MPHOSPH9: variants seen among roughly 807,000 people sequenced by gnomAD.
MPHOSPH9 encodes M-phase phosphoprotein 9.
MPHOSPH9 carries 88 observed loss-of-function variants against 145.5 expected under a neutral mutation model. The ratio of observed to expected loss-of-function variants is 0.60; its 90% CI spans 0.51 to 0.72. The LOEUF is 0.72. MPHOSPH9 is among the 30% of genes least tolerant of loss of function. The probability of loss-of-function intolerance (pLI) is 0.00; values close to 1 mark genes in which losing one functional copy is unlikely to be tolerated. For missense variants in MPHOSPH9, 1,238 were observed against 1,386.6 expected, an observed-to-expected ratio of 0.89 and a Z score of 1.70; for synonymous variants, 435 against 486.2, an observed-to-expected ratio of 0.89 and a Z score of 1.39.
intron 5 of MPHOSPH9, among the ~76,000 whole-genome samples, chr12:123,220,890 C>G (rs978859524): frequency 1.3e-5 from 2 of 152,032 alleles, no homozygotes; most frequent in African/African-American, 4.8e-5. Context: ...CCCGTCTCTA[C>G]TAAAAATACA....
chr12:123,166,851 C>T lies in MPHOSPH9; in HGVS notation c.2457-62G>A, dbSNP rs569285756. The T allele has an allele frequency of 6.2e-3, 9,515 of 1,526,292 alleles. 48 individuals are homozygous for T. Among genetic ancestry groups the T allele is most frequent in the Non-Finnish European group, 7.8e-3 (8,859 of 1,130,904 alleles). 94.5% of individuals were successfully genotyped at this position (1,526,292 alleles called of 1,614,324 possible). ...TGCACTTCATTTCAGACTGCATGTG[C>T]ATATAAAACAATCTGCTCTCAAACA... On this transcript the variant is annotated intron_variant, in intron 16 of 23. Coordinates refer to ENST00000606320, the MANE Select transcript of MPHOSPH9 (RefSeq NM_022782.4).
intron 1 of MPHOSPH9, among the ~76,000 whole-genome samples, chr12:123,232,516 T>C (rs1249287546): frequency 6.6e-6 from 1 of 152,182 alleles, no homozygotes; most frequent in Non-Finnish European, 1.5e-5. Context: ...TTGATGGTTA[T>C]GAAACATGAA....
chr12:123,197,533 C>T (rs937030288), intron 12 of MPHOSPH9, among the ~76,000 whole-genome samples: 2 of 152,000 alleles, frequency 1.3e-5, no homozygotes, highest in African/African-American at 2.4e-5. Context: ...CCTGTAATCC[C>T]GGCACTCTGG....
At chr12:123,224,433 C>T (rs888273845) in intron 3 of MPHOSPH9, among the ~76,000 whole-genome samples, 1 of 151,734 alleles carries the variant, frequency 6.6e-6, no homozygotes, top group Non-Finnish European at 1.5e-5. Flanking sequence ...TGCACCCAGC[C>T]GAATTTTCAT....
At chr12:123,167,631 C>CAGT (rs1251128644) in intron 16 of MPHOSPH9, among the ~76,000 whole-genome samples, 4 of 152,146 alleles carry the variant, frequency 2.6e-5, no homozygotes, top group African/African-American at 9.7e-5. Context: ...CCACAGCATG[C>CAGT]GTACTCCAGC....
chr12:123,241,408 G>A (rs1240964060), intron 1 of MPHOSPH9, among the ~76,000 whole-genome samples: 1 of 152,114 alleles, frequency 6.6e-6, no homozygotes, highest in Admixed American at 6.6e-5. Context: ...CGTGATCTCG[G>A]CTCACTACAA....
At position 123,230,420 on chromosome 12, in the gene MPHOSPH9, T is replaced by A; in HGVS notation, c.-56A>T. ...GGAAAATAAAGGTTCTTGGGCTGTTTGAGAAAAATGAATCCGTGTCATCTT... is the reference window on the plus strand; with the variant it reads ...GGAAAATAAAGGTTCTTGGGCTGTTAGAGAAAAATGAATCCGTGTCATCTT... On this transcript the variant is annotated 5_prime_UTR_variant, in exon 2 of 24. Transcript: ENST00000606320. 2.9e-6 allele frequency: 3 copies of A among 1,040,214 alleles called. No homozygotes were observed. The South Asian group carries it at 4.8e-5, about 17-fold the overall frequency. The allele number at this position is 1,040,214 out of a possible 1,614,324, so 64.4% of individuals were successfully genotyped here.
rs1238789024 is a variant in MPHOSPH9 at position 123,161,125 on chromosome 12, T to G, written c.3381+11A>C. On this transcript the variant is annotated intron_variant, in intron 22 of 23. Transcript: ENST00000606320. ...AGAAAACAATTTTTAAAAATATTTG[T>G]TTGTTTTTACCTGGTCCTTTTCTTT... is the stretch of plus-strand genomic sequence containing the variant. 1.2e-6 allele frequency: 2 copies of G among 1,610,836 alleles called. No homozygotes were observed. The highest frequency in any genetic ancestry group is 2.2e-5 in the South Asian group (2 of 90,506).
At chr12:123,167,927 C>T (rs2044385325) in intron 16 of MPHOSPH9, among the ~76,000 whole-genome samples, 1 of 152,220 alleles carries the variant, frequency 6.6e-6, no homozygotes, top group African/African-American at 2.4e-5. Flanking sequence ...TGACCCTCTA[C>T]TCCTCAGCCA....
intron 20 of MPHOSPH9, chr12:123,162,783 G>T (rs756624873): frequency 1.2e-5 from 5 of 422,024 alleles, no homozygotes; most frequent in African/African-American, 2.1e-5. Context: ...GCTGACAGGG[G>T]TGCTGAGGTG....
At chr12:123,192,916 A>G (rs2045754538) in intron 13 of MPHOSPH9, among the ~76,000 whole-genome samples, 1 of 151,340 alleles carries the variant, frequency 6.6e-6, no homozygotes, top group South Asian at 2.1e-4. Flanking sequence ...CATCTCTACT[A>G]AAAATACAAA....
intron 16 of MPHOSPH9, among the ~76,000 whole-genome samples, chr12:123,169,379 G>A (rs11057177): frequency 6.6e-6 from 1 of 151,088 alleles, no homozygotes; most frequent in East Asian, 2.1e-4. Context: ...GGCACCTGTA[G>A]TCCCAGCTAC....
At chr12:123,239,402 G>T (rs949728136) in intron 1 of MPHOSPH9, among the ~76,000 whole-genome samples, 7 of 80,026 alleles carry the variant, frequency 8.7e-5, no homozygotes, top group Non-Finnish European at 1.2e-4. Flanking sequence ...CATTAGTTTT[G>T]TTTTTTTGTT....
At chr12:123,185,771 T>C (rs1232272517) in intron 13 of MPHOSPH9, among the ~76,000 whole-genome samples, 2 of 151,944 alleles carry the variant, frequency 1.3e-5, no homozygotes, top group Non-Finnish European at 2.9e-5. Flanking sequence ...ATAAATGCAA[T>C]GTGTGATCCT....
chr12:123,214,880 A>G (rs1410457449), intron 6 of MPHOSPH9, 46 bp from the exon 7 acceptor site: 1 of 1,467,596 alleles, frequency 6.8e-7, no homozygotes, highest in South Asian at 1.1e-5. Context: ...GTCATTAGGC[A>G]CAATCTGCTG....
intron 3 of MPHOSPH9, among the ~76,000 whole-genome samples, chr12:123,225,494 A>G (rs1367799994): frequency 2.8e-5 from 4 of 143,786 alleles, no homozygotes; most frequent in African/African-American, 1.0e-4. Flanking sequence ...GAAAGAGGAG[A>G]AAAAGAAACA....
chr12:123,218,795 C>A (rs184723679), intron 5 of MPHOSPH9, among the ~76,000 whole-genome samples: 6 of 152,178 alleles, frequency 3.9e-5, no homozygotes, highest in Non-Finnish European at 5.9e-5. Flanking sequence ...GGATTACAGG[C>A]ATGAGCCACC....
At position 123,203,358 on chromosome 12, in the gene MPHOSPH9, C is replaced by T; in HGVS notation, c.1212G>A (p.Glu404=). Residue 404 remains glutamate, a synonymous_variant, in exon 9 of 24, where the codon GAG becomes GAA. Coordinates refer to ENST00000606320, the MANE Select transcript of MPHOSPH9 (RefSeq NM_022782.4). Reference sequence around the variant, plus strand: ...TATCCTTCAGTGACGGTAGCTTCATCTCATTACTAGTATTAGACTTAAAGA... The same window carrying T: ...TATCCTTCAGTGACGGTAGCTTCATTTCATTACTAGTATTAGACTTAAAGA... ...VSPNQSNTSN[E]MKLPSLKDIY... The T allele has an allele frequency of 6.2e-7, 1 of 1,606,278 alleles. No individual in the cohort carries two copies. Among genetic ancestry groups the T allele is most frequent in the Non-Finnish European group, 8.5e-7 (1 of 1,173,692 alleles).
chr12:123,242,156 T>G (rs1336048435), intron 1 of MPHOSPH9, among the ~76,000 whole-genome samples: 1 of 152,220 alleles, frequency 6.6e-6, no homozygotes. Context: ...TCTCTGAACT[T>G]AACCAAGTTG....
Sources: gnomAD v4.1 joint callset for allele counts (sites outside exome capture counted in the v4.1 genomes callset) on GRCh38, gnomAD v4.1.1 for gene constraint, MANE v1.5 for transcripts, NCBI Gene and HGNC (gene_info 2026-07-23, HGNC 2026-07-21) for gene names.